Variants in CSF2RB observed in about 807,000 individuals in gnomAD.
The protein encoded by CSF2RB is cytokine receptor common subunit beta.
Under a neutral mutation model 67.2 loss-of-function variants are expected in CSF2RB, and 22 were observed. That is an observed-to-expected ratio of 0.33 (90% CI 0.23 to 0.47). The LOEUF (loss-of-function observed/expected upper bound fraction) is 0.47, where lower values mean the gene tolerates loss of function less well. Ranked by LOEUF, CSF2RB falls within the 20% of genes least tolerant of loss-of-function variation. The probability of loss-of-function intolerance (pLI) is 1.00; values close to 1 mark genes in which losing one functional copy is unlikely to be tolerated. For missense variants in CSF2RB, 1,113 were observed against 1,174.5 expected (o/e 0.95, Z 0.76); for synonymous variants, 507 against 482.9 (o/e 1.05, Z -0.65).
Position 36,937,866 on chromosome 22 carries a change from G to A in CSF2RB, c.2058G>A (p.Gln686=). Residue 686 remains glutamine (Q), a synonymous_variant, in exon 14 of 14, where the codon CAG becomes CAA. Coordinates refer to ENST00000403662, the MANE Select transcript of CSF2RB (RefSeq NM_000395.3). This position sits in a 1 kb window ranked among gnomAD's most constrained non-coding sequence, Gnocchi z 4.6. The part of the protein sequence containing the change: ...PPALGPRVGG[Q]DQKDSPVAIP... ...CTCTTGGGCCAAGGGTGGGAGGACA[G>A]GACCAAAAGGACAGCCCTGTGGCTA... is the stretch of plus-strand genomic sequence containing the variant. The A allele has an allele frequency of 6.2e-7, 1 of 1,614,030 alleles. No individual in the cohort carries two copies. Among genetic ancestry groups the A allele is most frequent in the Non-Finnish European group, 8.5e-7 (1 of 1,179,952 alleles).
intron 4 of CSF2RB, among the ~76,000 whole-genome samples, chr22:36,928,330 G>A (rs758507392): frequency 3.3e-5 from 5 of 152,124 alleles, no homozygotes; most frequent in Non-Finnish European, 5.9e-5. Context: ...GGCAGCTTCC[G>A]AGAGGGCTCT....
At position 36,939,221 on chromosome 22, in the gene CSF2RB, T is replaced by A; in HGVS notation, c.*719T>A. On this transcript the variant is annotated 3_prime_UTR_variant, in exon 14 of 14. Coordinates refer to ENST00000403662, the MANE Select transcript of CSF2RB (RefSeq NM_000395.3). ...TTGTCTCAGTGATGTCTGTGGGACC[T>A]CCAGTCCCTTGAGACCCCACGTCAT... 1.4e-6 allele frequency: 1 copy of A among 702,312 alleles called. No homozygotes were observed. Among genetic ancestry groups the A allele is most frequent in the Non-Finnish European group, 2.6e-6 (1 of 384,824 alleles). 43.5% of individuals were successfully genotyped at this position (702,312 alleles called of 1,614,324 possible).
chr22:36,938,151 G>T lies in CSF2RB; in HGVS notation c.2343G>T (p.Arg781Ser), dbSNP rs1941314561. ...AGGGCCGGTCCCCCAGGTCACCAAG[G>T]AACAATCCTGTCCCCCCTGAGGCCA... ...PIEGRSPRSPRNNPVPPEAKS... is the reference protein window; with the variant it reads ...PIEGRSPRSPSNNPVPPEAKS... Residue 781 changes from arginine (R) to serine (S), a missense_variant, in exon 14 of 14, where the codon AGG becomes AGT. Around this residue, in one of 2 missense-constraint regions of CSF2RB, gnomAD observed 554 missense variants for 517.9 expected, o/e 1.07. Transcript: ENST00000403662. 6.2e-7 allele frequency: 1 copy of T among 1,613,926 alleles called. No individual in the cohort carries two copies. Among genetic ancestry groups the T allele is most frequent in the African/African-American group, 1.3e-5 (1 of 74,874 alleles).
At chr22:36,926,203 G>A in intron 4 of CSF2RB, 26 bp downstream of exon 4, 1 of 1,612,026 alleles carries the variant, frequency 6.2e-7, no homozygotes, top group Admixed American at 1.7e-5. Flanking sequence ...CCCTGCCCGG[G>A]GCTTGGTTTC....
At chr22:36,933,171 C>T (rs896577427) in intron 9 of CSF2RB, among the ~76,000 whole-genome samples, 2 of 152,182 alleles carry the variant, frequency 1.3e-5, no homozygotes, top group African/African-American at 4.8e-5. Flanking sequence ...ACCCTCTGGG[C>T]AGGGAGGGGT....
rs1941281224 is a variant in CSF2RB at position 36,937,015 on chromosome 22, G to T, written c.1569-362G>T. Among the ~76,000 whole-genome samples the T allele has an allele frequency of 6.6e-6, 1 of 152,112 alleles. No homozygotes were observed. Among genetic ancestry groups the T allele is most frequent in the Non-Finnish European group, 1.5e-5 (1 of 68,006 alleles). On this transcript the variant is annotated intron_variant, in intron 13 of 13. Transcript: ENST00000403662. The surrounding 1 kb of genome is among the most constrained non-coding windows in gnomAD (Gnocchi z 4.6). ...TGACCACCAACTCGGCAGGGAGAAG[G>T]GGGTGGCATGGTTGATAGAATGATG...
chr22:36,926,022 A>G lies in CSF2RB; in HGVS notation c.236A>G (p.Asp79Gly), dbSNP rs1941007692. 1 of 1,614,058 alleles carries G rather than the reference A, an allele frequency of 6.2e-7. No homozygotes were observed. The highest frequency in any genetic ancestry group is 1.3e-5 in the African/African-American group (1 of 74,928). The change falls in exon 4 of 14, where the codon GAT becomes GGT. Residue 79 changes from aspartate (D) to glycine (G), a missense_variant. Transcript: ENST00000403662. ...GAGCCAGTGTCCTGTGACCTCAGTG[A>G]TGACATGCCCTGGTCAGCCTGCCCC... The part of the protein sequence containing the change: ...LLEPVSCDLS[D>G]DMPWSACPHP...
intron 12 of CSF2RB, 65 bp from the exon 13 acceptor site, chr22:36,936,484 C>T: frequency 1.5e-6 from 2 of 1,335,836 alleles, no homozygotes; most frequent in Non-Finnish European, 2.1e-6. Flanking sequence ...CCCCCGTCAC[C>T]CTCTGCCTTG....
Position 36,930,783 on chromosome 22 carries a change from C to G in CSF2RB, c.965C>G (p.Ser322Cys). 6.2e-7 allele frequency: 1 copy of G among 1,614,174 alleles called. No homozygotes were observed. Among genetic ancestry groups the G allele is most frequent in the Non-Finnish European group, 8.5e-7 (1 of 1,180,046 alleles). Residue 322 changes from serine to cysteine, a missense_variant, in exon 8 of 14, where the codon TCT becomes TGT. Coordinates refer to ENST00000403662, the MANE Select transcript of CSF2RB (RefSeq NM_000395.3). ...DPATHGQYIV[S>C]VQPRRAEKHI... is the part of the protein sequence containing the mutation. ...GCGACCCACGGCCAATACATCGTCT[C>G]TGTTCAGCCAAGGAGGGCAGAGAAA...
At chr22:36,915,159 A>C (rs1823598133) in intron 1 of CSF2RB, among the ~76,000 whole-genome samples, 1 of 152,160 alleles carries the variant, frequency 6.6e-6, no homozygotes, top group Non-Finnish European at 1.5e-5. Flanking sequence ...ATCTTGGCTC[A>C]CTGCAACCTC....
chr22:36,935,636 C>T lies in CSF2RB; in HGVS notation c.1413C>T (p.Arg471=). 3 of 1,614,188 alleles carry T rather than the reference C, an allele frequency of 1.9e-6. No individual in the cohort carries two copies. Among genetic ancestry groups the T allele is most frequent in the Non-Finnish European group, 1.7e-6 (2 of 1,180,030 alleles). The part of the protein sequence containing the change: ...RFCGIYGYRL[R]RKWEEKIPNP... ...CCTCCGTGGTGTCTTCCAGGCTGCG[C>T]AGAAAGTGGGAGGAGAAGATCCCCA... is the stretch of plus-strand genomic sequence containing the variant. The change falls in exon 12 of 14, where the codon CGC becomes CGT. Residue 471 remains arginine, a synonymous_variant. Coordinates refer to ENST00000403662, the MANE Select transcript of CSF2RB (RefSeq NM_000395.3).
intron 3 of CSF2RB, 58 bp from the exon 4 acceptor site, chr22:36,925,929 C>G (rs954661353): frequency 8.2e-6 from 13 of 1,589,628 alleles, no homozygotes; most frequent in Admixed American, 3.3e-5. Flanking sequence ...CTCGAGGAAC[C>G]TTTCGTGAGT....
At position 36,930,627 on chromosome 22, in the gene CSF2RB, C is replaced by T. The variant is rs144034620; in HGVS notation, c.855-46C>T. ...GCCCACCCTAAGCTCTCCTCCCTCCCGTGTGCCCTCCCTCTCCCTGCCCTC... is the reference window on the plus strand; with the variant it reads ...GCCCACCCTAAGCTCTCCTCCCTCCTGTGTGCCCTCCCTCTCCCTGCCCTC... On this transcript the variant is annotated intron_variant, in intron 7 of 13. Transcript: ENST00000403662. The T allele has an allele frequency of 9.9e-5, 159 of 1,611,570 alleles. No homozygotes were observed. The African/African-American group carries it at 1.6e-3, about 16-fold the overall frequency.
chr22:36,927,146 C>G (rs1941035001), intron 4 of CSF2RB, among the ~76,000 whole-genome samples: 1 of 152,210 alleles, frequency 6.6e-6, no homozygotes, highest in African/African-American at 2.4e-5. Flanking sequence ...GGGCTCTGAC[C>G]ATGGCTTCCT....
intron 1 of CSF2RB, among the ~76,000 whole-genome samples, chr22:36,917,019 A>G (rs1940734726): frequency 1.3e-5 from 2 of 152,212 alleles, no homozygotes; most frequent in South Asian, 4.1e-4. Flanking sequence ...GGAGGACACT[A>G]ACGTGCCCCC....
At position 36,940,211 on chromosome 22, in the gene CSF2RB, C is replaced by T. The variant is rs1941355626; in HGVS notation, c.*1709C>T. 6.6e-6 allele frequency: 1 copy of T among 152,180 alleles called. No homozygotes were observed. 9.4% of individuals were successfully genotyped at this position (152,180 alleles called of 1,614,324 possible). ...ATTCTCGTTACTTTTGCTCTTAAAT[C>T]CCTATTCATTACAGCAATGTTGGTG... On this transcript the variant is annotated 3_prime_UTR_variant, in exon 14 of 14. Coordinates refer to ENST00000403662, the MANE Select transcript of CSF2RB (RefSeq NM_000395.3).
At position 36,921,985 on chromosome 22, in the gene CSF2RB, G is replaced by C. The variant is rs1601579955; in HGVS notation, c.-172-51G>C. ...TCCCCACAACACGGGCGGTGTCCCT[G>C]GGACACGTGGAAGGGGAGGGGCAGC... is the stretch of plus-strand genomic sequence containing the variant. On this transcript the variant is annotated intron_variant, in intron 1 of 13. Coordinates refer to ENST00000403662, the MANE Select transcript of CSF2RB (RefSeq NM_000395.3). 1.5e-5 allele frequency: 9 copies of C among 597,620 alleles called. No homozygotes were observed. In the East Asian group the frequency reaches 2.5e-4, roughly 17 times the overall value. The allele number at this position is 597,620 out of a possible 1,614,324, so 37.0% of individuals were successfully genotyped here. A position where few individuals can be genotyped will look rare whatever the true frequency, so the allele number is the denominator to read the frequency against.
intron 10 of CSF2RB, 93 bp downstream of exon 10, chr22:36,934,087 C>T: frequency 6.6e-7 from 1 of 1,520,454 alleles, no homozygotes. Flanking sequence ...CGTAGCAGGC[C>T]TGCAACAACT....
chr22:36,920,313 T>C (rs997685914), intron 1 of CSF2RB, among the ~76,000 whole-genome samples: 2 of 152,240 alleles, frequency 1.3e-5, no homozygotes, highest in African/African-American at 4.8e-5. Context: ...GGTCTATATG[T>C]TGAAGTGCAC....
Sources: allele counts gnomAD v4.1 joint callset (sites outside exome capture counted in the v4.1 genomes callset), GRCh38; gene constraint gnomAD v4.1.1; regional missense constraint gnomAD v4.1.1; non-coding constraint Gnocchi (gnomAD v3.1); transcripts MANE v1.5; gene names NCBI Gene and HGNC (gene_info 2026-07-23, HGNC 2026-07-21).